The following IDO2 variants were observed in gnomAD, a reference collection of about 807,000 sequenced individuals.
The protein encoded by IDO2 is indoleamine 2,3-dioxygenase 2, also known as indoleamine 2,3-dioxygenase-like 1 protein.
Under a neutral mutation model 45.1 loss-of-function variants are expected in IDO2, and 46 were observed. The observed-to-expected ratio is 1.02, with a 90% CI of 0.80 to 1.30. IDO2 has a LOEUF of 1.30. Ranked by LOEUF, IDO2 falls within the 50% of genes most tolerant of loss-of-function variation. The probability of loss-of-function intolerance (pLI) is 0.00; values close to 1 mark genes in which losing one functional copy is unlikely to be tolerated. For synonymous variants in IDO2, 218 were observed against 184.9 expected (o/e 1.18, Z -1.45); for missense variants, 544 against 491.8 (o/e 1.11, Z -1.00).
At chr8:39,998,690 G>T (rs1325260169) in intron 8 of IDO2, among the ~76,000 whole-genome samples, 5 of 139,362 alleles carry the variant, frequency 3.6e-5, no homozygotes, top group Admixed American at 3.1e-4. Context: ...ACCCAGGCTG[G>T]AGTGCAATGC....
intron 3 of IDO2, among the ~76,000 whole-genome samples, chr8:39,971,446 T>C: frequency 6.6e-6 from 1 of 152,218 alleles, no homozygotes; most frequent in Non-Finnish European, 1.5e-5. Flanking sequence ...ACATTTGTTC[T>C]GCAACCTATG....
intron 3 of IDO2, 48 bp downstream of exon 3, chr8:39,963,751 C>G: frequency 8.9e-7 from 1 of 1,122,606 alleles, no homozygotes; most frequent in Non-Finnish European, 1.3e-6. Flanking sequence ...CATCATCATA[C>G]CACTTTTCTT....
chr8:39,938,514 G>A (rs1807591687), intron 1 of IDO2, among the ~76,000 whole-genome samples: 1 of 151,908 alleles, frequency 6.6e-6, no homozygotes, highest in Admixed American at 6.6e-5. Flanking sequence ...AGAAAATCTA[G>A]GTGACCTTGG....
chr8:39,979,079 AGCT>A (rs1420643258), exon 4 of IDO2: 6 of 1,587,470 alleles, frequency 3.8e-6, no homozygotes, highest in Non-Finnish European at 5.1e-6. Flanking sequence ...GCCCCTGCTG[AGCT>A]GCCAGTTCCT....
At chr8:39,960,996 G>A (rs1036050715) in intron 2 of IDO2, among the ~76,000 whole-genome samples, 5 of 152,158 alleles carry the variant, frequency 3.3e-5, no homozygotes, top group Non-Finnish European at 5.9e-5. Context: ...TGTTAGCCAG[G>A]ATGGTCTTGA....
chr8:39,967,906 T>C (rs890686804), intron 3 of IDO2, among the ~76,000 whole-genome samples: 12 of 152,122 alleles, frequency 7.9e-5, no homozygotes, highest in African/African-American at 2.7e-4. Flanking sequence ...AAATGCAAAA[T>C]GGTACAGCCA....
At chr8:40,014,674 T>C (rs4633046) in intron 10 of IDO2, among the ~76,000 whole-genome samples, 149,401 of 152,336 alleles carry the variant, frequency 0.98, 73,329 homozygotes, top group East Asian at 1. Context: ...AATATTTATA[T>C]ATTGGCAAAC....
At chr8:39,941,220 T>TTAAAAA (rs1585393190) in intron 1 of IDO2, among the ~76,000 whole-genome samples, 1 of 12,022 alleles carries the variant, frequency 8.3e-5, no homozygotes, top group African/African-American at 1.8e-4. Flanking sequence ...AGACTCCATC[T>TTAAAAA]CAAAAAAAAA....
At chr8:39,954,419 C>T (rs969975636) in intron 2 of IDO2, among the ~76,000 whole-genome samples, 1 of 152,104 alleles carries the variant, frequency 6.6e-6, no homozygotes, top group Non-Finnish European at 1.5e-5. Context: ...TTTGCCAGAG[C>T]TGCTGTAACA....
chr8:39,977,048 A>T (rs1251504471), intron 3 of IDO2, among the ~76,000 whole-genome samples: 1 of 152,160 alleles, frequency 6.6e-6, no homozygotes, highest in East Asian at 1.9e-4. Flanking sequence ...ACGTAATAAA[A>T]ATAATTATAT....
intron 3 of IDO2, among the ~76,000 whole-genome samples, chr8:39,967,479 T>TAA (rs1036356082): frequency 2.7e-5 from 4 of 150,918 alleles, no homozygotes; most frequent in African/African-American, 4.9e-5. Context: ...TGCTAAATAT[T>TAA]AAAAGACAGT....
exon 10 of IDO2, chr8:40,013,607 A>T (rs780892296): frequency 6.2e-7 from 1 of 1,613,874 alleles, no homozygotes; most frequent in South Asian, 1.1e-5. Context: ...TGATGTATGA[A>T]GGAGTTTCCC....
At chr8:39,974,455 G>A (rs1443403111) in intron 3 of IDO2, among the ~76,000 whole-genome samples, 3 of 152,234 alleles carry the variant, frequency 2.0e-5, no homozygotes, top group African/African-American at 7.2e-5. Context: ...GGAAGAAAAT[G>A]TAGGAGAGTA....
intron 3 of IDO2, among the ~76,000 whole-genome samples, chr8:39,971,579 A>T (rs1808179973): frequency 6.6e-6 from 1 of 152,214 alleles, no homozygotes; most frequent in Admixed American, 6.5e-5. Flanking sequence ...AAACCTGGAA[A>T]GGATTCACTA....
chr8:39,949,144 T>G lies in IDO2; in HGVS notation c.-17-5T>G, dbSNP rs771982907. 2.5e-6 allele frequency: 4 copies of G among 1,595,986 alleles called. No individual in the cohort carries two copies. In the East Asian group the frequency reaches 6.7e-5, roughly 27 times the overall value. On this transcript the variant is annotated splice_polypyrimidine_tract_variant and splice_region_variant and intron_variant, in intron 1 of 10. Coordinates refer to ENST00000502986, the Ensembl canonical transcript of IDO2. Reference sequence around the variant, plus strand: ...ATTGATTCTTCAGTGACACTTTCCATGCAGATACTTCAAACAAAATAATGG... The same window carrying G: ...ATTGATTCTTCAGTGACACTTTCCAGGCAGATACTTCAAACAAAATAATGG...
intron 3 of IDO2, among the ~76,000 whole-genome samples, chr8:39,969,006 T>A (rs1056535626): frequency 1.2e-4 from 18 of 152,012 alleles, no homozygotes; most frequent in African/African-American, 4.1e-4. Flanking sequence ...GAAAATAGTG[T>A]TGTGTTGTGA....
chr8:39,952,443 A>G (rs1457538115), intron 2 of IDO2, among the ~76,000 whole-genome samples: 1 of 152,188 alleles, frequency 6.6e-6, no homozygotes, highest in Non-Finnish European at 1.5e-5. Context: ...GTCTGAAGAA[A>G]ACGTGGTCAA....
chr8:39,958,358 C>T (rs1407117770), intron 2 of IDO2, among the ~76,000 whole-genome samples: 6 of 151,906 alleles, frequency 3.9e-5, no homozygotes, highest in East Asian at 1.9e-4. Context: ...CTCAGCCTCC[C>T]GAACAGCTGG....
chr8:39,983,920 C>T (rs1808387697), intron 5 of IDO2, among the ~76,000 whole-genome samples: 2 of 151,952 alleles, frequency 1.3e-5, no homozygotes, highest in Admixed American at 6.6e-5. Context: ...TCATCTCTCT[C>T]GGGAGCTCTG....
Sources: allele counts gnomAD v4.1 joint callset (sites outside exome capture counted in the v4.1 genomes callset), GRCh38; gene constraint gnomAD v4.1.1; transcripts MANE v1.5; gene names NCBI Gene and HGNC (gene_info 2026-07-23, HGNC 2026-07-21).